SEC24A: variants seen among roughly 807,000 people sequenced by gnomAD.
SEC24A encodes SEC24 homolog A, COPII component, also known as protein transport protein Sec24A.
In SEC24A, 93 loss-of-function variants were observed where a neutral mutation model predicts 129.4. That is an observed-to-expected ratio of 0.72 (90% CI 0.61 to 0.85). The LOEUF (loss-of-function observed/expected upper bound fraction) is 0.85. Among genes scored for constraint, SEC24A ranks in the 40% least tolerant of loss-of-function variants. The pLI is 0.00. For synonymous variants in SEC24A, 460 were observed against 467.3 expected (o/e 0.98, Z 0.20); for missense variants, 1,264 against 1,307.4 (o/e 0.97, Z 0.51).
chr5:134,652,651 G>A (rs1316393685), intron 1 of SEC24A, among the ~76,000 whole-genome samples: 1 of 152,038 alleles, frequency 6.6e-6, no homozygotes, highest in Non-Finnish European at 1.5e-5. Flanking sequence ...GCAGTGGTGC[G>A]ATCTCAGCTC....
At chr5:134,672,322 G>A (rs552335695) in intron 4 of SEC24A, among the ~76,000 whole-genome samples, 100 of 152,266 alleles carry the variant, frequency 6.6e-4, no homozygotes, top group African/African-American at 2.3e-3. Flanking sequence ...CAGTTAGCTG[G>A]TATTAGAGGC....
chr5:134,692,871 A>G (rs565335511), intron 12 of SEC24A: 12 of 719,220 alleles, frequency 1.7e-5, no homozygotes, highest in Non-Finnish European at 2.7e-5. Context: ...GTAGTAGGGT[A>G]GAAAATAAGC....
Position 134,670,228 on chromosome 5 carries a change from A to AT in SEC24A, c.740-1574dup, listed in dbSNP as rs539451054. Among the ~76,000 whole-genome samples the AT allele has an allele frequency of 3.4e-3, 511 of 152,270 alleles. 4 individuals are homozygous for AT. Among genetic ancestry groups the AT allele is most frequent in the Middle Eastern group, 0.024 (7 of 294 alleles). On this transcript the variant is annotated intron_variant, in intron 3 of 22. Transcript: ENST00000398844. ...GTGTAAGCGTCCACGCCTTGCCTACATTTTTTTAACAACTAAAAATAATTC... is the reference window on the plus strand; with the variant it reads ...GTGTAAGCGTCCACGCCTTGCCTACATTTTTTTTAACAACTAAAAATAATTC...
At chr5:134,694,263 C>A (rs1335920769) in intron 13 of SEC24A, among the ~76,000 whole-genome samples, 1 of 152,108 alleles carries the variant, frequency 6.6e-6, no homozygotes, top group East Asian at 1.9e-4. Flanking sequence ...TGGTAGCTCA[C>A]ACCTGTAATC....
intron 1 of SEC24A, among the ~76,000 whole-genome samples, chr5:134,657,214 A>ACACACACACACACACACAC (rs1561800539): frequency 6.6e-6 from 1 of 150,636 alleles, no homozygotes; most frequent in African/African-American, 2.4e-5. Flanking sequence ...ACACACACAC[A>ACACACACACACACACACAC]ACCAAAACTT....
Position 134,715,085 on chromosome 5 carries a change from T to C in SEC24A, c.2789T>C (p.Val930Ala), listed in dbSNP as rs1752438524. Residue 930 changes from valine (V) to alanine (A), a missense_variant, in exon 19 of 23, where the codon GTG becomes GCG. By Grantham distance (64) the Val-to-Ala change is moderately conservative. Transcript: ENST00000398844. ...GAACGCATTTTTGCTATGTGTCAAG[T>C]GAAAAACCAGCCCTTGGTTTACCTT... Reference protein sequence around the residue: ...LDERIFAMCQVKNQPLVYLML... With the variant: ...LDERIFAMCQAKNQPLVYLML... 6.2e-7 allele frequency: 1 copy of C among 1,612,464 alleles called. No homozygotes were observed. Among genetic ancestry groups the C allele is most frequent in the Non-Finnish European group, 8.5e-7 (1 of 1,179,586 alleles).
At chr5:134,693,645 T>A in intron 12 of SEC24A, 82 bp from the exon 13 acceptor site, 1 of 1,524,380 alleles carries the variant, frequency 6.6e-7, no homozygotes, top group Admixed American at 2.1e-5. Flanking sequence ...ACTCAATGTC[T>A]TGTCTATTGT....
At position 134,682,493 on chromosome 5, in the gene SEC24A, A is replaced by T; in HGVS notation, c.1491+11A>T. 7.2e-7 allele frequency: 1 copy of T among 1,386,680 alleles called. No individual in the cohort carries two copies. Among genetic ancestry groups the T allele is most frequent in the East Asian group, 2.3e-5 (1 of 43,754 alleles). The allele number at this position is 1,386,680 out of a possible 1,614,324, so 85.9% of individuals were successfully genotyped here. On this transcript the variant is annotated intron_variant, in intron 9 of 22. Coordinates refer to ENST00000398844, the MANE Select transcript of SEC24A (RefSeq NM_021982.3). ...CCTTCAGAATACATGGTAAACTTTT[A>T]TTTTTTGATACAGTATACCCATTTT...
chr5:134,706,291 T>C (rs937738432), intron 17 of SEC24A, among the ~76,000 whole-genome samples: 51 of 152,198 alleles, frequency 3.4e-4, no homozygotes, highest in African/African-American at 1.2e-3. Flanking sequence ...GAATTTGGGA[T>C]TGAAAACCAG....
At chr5:134,670,239 A>C (rs575007956) in intron 3 of SEC24A, among the ~76,000 whole-genome samples, 1 of 152,270 alleles carries the variant, frequency 6.6e-6, no homozygotes, top group South Asian at 2.1e-4. Flanking sequence ...TTTTTTTAAC[A>C]ACTAAAAATA....
rs543278259 is a variant in SEC24A, at chr5:134,721,855, G to A, written c.3063+765G>A. On this transcript the variant is annotated intron_variant, in intron 21 of 22. Coordinates refer to ENST00000398844, the MANE Select transcript of SEC24A (RefSeq NM_021982.3). The stretch of plus-strand genomic sequence containing the variant: ...CTGCTGCACTCCCGCCTGGGCAACA[G>A]AGCAAGAACCTGTCTCAAAAAATAA... Among the ~76,000 whole-genome samples, 3 of 152,210 alleles carry A rather than the reference G, an allele frequency of 2.0e-5. No individual in the cohort carries two copies. The South Asian group carries it at 6.2e-4, about 32-fold the overall frequency.
intron 12 of SEC24A, 68 bp from the exon 13 acceptor site, chr5:134,693,659 A>T: frequency 6.4e-7 from 1 of 1,565,634 alleles, no homozygotes; most frequent in South Asian, 1.2e-5. Flanking sequence ...CTATTGTATG[A>T]GATACTGACT....
Position 134,661,420 on chromosome 5 carries a change from A to G in SEC24A, c.399A>G (p.Pro133=), listed in dbSNP as rs1354026724. The G allele has an allele frequency of 6.2e-7, 1 of 1,614,158 alleles. No individual in the cohort carries two copies. Among genetic ancestry groups the G allele is most frequent in the Admixed American group, 1.7e-5 (1 of 60,000 alleles). ...GCTTTCTTCCTGAAGCCAACCTGCCACCACCTTTGAATTGGCAATATAACT... is the reference window on the plus strand; with the variant it reads ...GCTTTCTTCCTGAAGCCAACCTGCCGCCACCTTTGAATTGGCAATATAACT... The part of the protein sequence containing the change: ...SSSFLPEANL[P]PPLNWQYNYP... The change falls in exon 2 of 23, where the codon CCA becomes CCG. Residue 133 remains proline, a synonymous_variant. Coordinates refer to ENST00000398844, the MANE Select transcript of SEC24A (RefSeq NM_021982.3).
intron 4 of SEC24A, among the ~76,000 whole-genome samples, chr5:134,672,110 T>C (rs1314069527): frequency 6.6e-6 from 1 of 152,172 alleles, no homozygotes; most frequent in African/African-American, 2.4e-5. Flanking sequence ...CTCAGTCTCC[T>C]GGGCTCAAGC....
intron 8 of SEC24A, among the ~76,000 whole-genome samples, chr5:134,681,442 T>G (rs1393926635): frequency 2.8e-5 from 4 of 143,698 alleles, no homozygotes; most frequent in Non-Finnish European, 4.6e-5. Flanking sequence ...GTTTTATTGT[T>G]TGTGTGTGTG....
intron 19 of SEC24A, among the ~76,000 whole-genome samples, chr5:134,716,331 C>G (rs1214569807): frequency 6.6e-6 from 1 of 151,538 alleles, no homozygotes. Context: ...TTGGCCAGCT[C>G]TGGTGGCGGG....
intron 20 of SEC24A, among the ~76,000 whole-genome samples, chr5:134,720,566 G>C (rs1417051624): frequency 6.6e-6 from 1 of 152,086 alleles, no homozygotes; most frequent in Non-Finnish European, 1.5e-5. Flanking sequence ...TTCAGTTAAA[G>C]GCTGTACAAT....
intron 18 of SEC24A, among the ~76,000 whole-genome samples, chr5:134,713,648 A>G (rs1752393598): frequency 6.6e-6 from 1 of 152,102 alleles, no homozygotes; most frequent in Admixed American, 6.6e-5. Flanking sequence ...CCTTTAATAT[A>G]GTCAGTGTAC....
At position 134,726,945 on chromosome 5, in the gene SEC24A, T is replaced by C. The variant is rs1178539599; in HGVS notation, c.*1851T>C. Reference sequence around the variant, plus strand: ...TATTACCACATGCTTTTTTAGTATATTTCACAAATTTACTTTTAAATATTA... The same window carrying C: ...TATTACCACATGCTTTTTTAGTATACTTCACAAATTTACTTTTAAATATTA... On this transcript the variant is annotated 3_prime_UTR_variant, in exon 23 of 23. Coordinates refer to ENST00000398844, the MANE Select transcript of SEC24A (RefSeq NM_021982.3). The C allele has an allele frequency of 6.6e-6, 1 of 152,276 alleles. No homozygotes were observed. The highest frequency in any genetic ancestry group is 1.5e-5 in the Non-Finnish European group (1 of 67,978). 9.4% of individuals were successfully genotyped at this position (152,276 alleles called of 1,614,324 possible).
Sources: allele counts gnomAD v4.1 joint callset (sites outside exome capture counted in the v4.1 genomes callset), GRCh38; gene constraint gnomAD v4.1.1; transcripts MANE v1.5; gene names NCBI Gene and HGNC (gene_info 2026-07-23, HGNC 2026-07-21).